The following PCBP3 variants were observed in gnomAD, a reference collection of about 807,000 sequenced individuals.
PCBP3 encodes poly(rC) binding protein 3, also known as poly(rC)-binding protein 3.
A neutral mutation model predicts 52.7 loss-of-function variants in PCBP3; 25 were observed. That is an observed-to-expected ratio of 0.47 (90% CI 0.35 to 0.66). PCBP3 has a LOEUF of 0.66. PCBP3 is among the 30% of genes least tolerant of loss of function. The pLI is 0.01. For missense variants in PCBP3, 391 were observed against 490.3 expected (o/e 0.80, Z 1.91); for synonymous variants, 162 against 183.0 (o/e 0.89, Z 0.93).
rs1253323558 is a variant in PCBP3 at position 45,935,236 on chromosome 21, C to T, written c.857-17C>T. The T allele has an allele frequency of 1.9e-6, 3 of 1,600,392 alleles. No individual in the cohort carries two copies. In the Admixed American group the frequency reaches 5.0e-5, roughly 27 times the overall value. On this transcript the variant is annotated splice_polypyrimidine_tract_variant and intron_variant, in intron 15 of 17. Transcript: ENST00000681687. ...CAGCCTTCCACCAGCCTAACCATGT[C>T]CCCTTGGTATACCCAGGTCTGGACG...
chr21:45,874,665 C>T (rs2095180091), intron 5 of PCBP3, among the ~76,000 whole-genome samples: 1 of 152,104 alleles, frequency 6.6e-6, no homozygotes, highest in African/African-American at 2.4e-5. Context: ...TGCCACCACG[C>T]CCGGCTACTT....
chr21:45,936,137 C>T (rs2149564209), intron 16 of PCBP3, among the ~76,000 whole-genome samples: 1 of 152,334 alleles, frequency 6.6e-6, no homozygotes. Context: ...AAGCCCTGTT[C>T]CTTCCTTTCA....
chr21:45,718,737 A>T (rs1485439101), intron 2 of PCBP3, among the ~76,000 whole-genome samples: 1 of 152,150 alleles, frequency 6.6e-6, no homozygotes. Flanking sequence ...CAGGGTTCTC[A>T]TTGCTTTTAT....
chr21:45,715,912 G>A (rs1404831841), intron 2 of PCBP3, among the ~76,000 whole-genome samples: 1 of 151,992 alleles, frequency 6.6e-6, no homozygotes, highest in Admixed American at 6.5e-5. Flanking sequence ...TTTTCCCCTT[G>A]TTCTGTGGGT....
intron 1 of PCBP3, among the ~76,000 whole-genome samples, chr21:45,664,594 T>G (rs925387366): frequency 3.4e-5 from 5 of 145,864 alleles, no homozygotes; most frequent in Admixed American, 6.9e-5. Flanking sequence ...AAAGAGCTTT[T>G]ATTTTTTTTA....
chr21:45,818,773 G>T (rs774494670), intron 4 of PCBP3, among the ~76,000 whole-genome samples: 1 of 152,204 alleles, frequency 6.6e-6, no homozygotes, highest in Non-Finnish European at 1.5e-5. Context: ...ACATCCTTTA[G>T]TAGGCAAATG....
At chr21:45,939,946 C>G in intron 16 of PCBP3, 84 bp from the exon 17 acceptor site, 4 of 1,307,198 alleles carry the variant, frequency 3.1e-6, no homozygotes, top group Non-Finnish European at 4.3e-6. Flanking sequence ...GCCCGTCCCA[C>G]CGGCCCCCTC....
intron 5 of PCBP3, among the ~76,000 whole-genome samples, chr21:45,863,952 C>T (rs903907742): frequency 2.0e-5 from 3 of 152,304 alleles, no homozygotes; most frequent in South Asian, 4.1e-4. Context: ...TAGGTTTAAG[C>T]CCGCTCAGAT....
intron 4 of PCBP3, among the ~76,000 whole-genome samples, chr21:45,792,425 T>TTATC (rs1252736406): frequency 6.6e-6 from 1 of 152,242 alleles, no homozygotes; most frequent in African/African-American, 2.4e-5. Context: ...AGAGGTTAGC[T>TTATC]TATCTATTGT....
chr21:45,679,493 C>T (rs962934717), intron 2 of PCBP3, among the ~76,000 whole-genome samples: 3 of 152,078 alleles, frequency 2.0e-5, no homozygotes, highest in Admixed American at 1.3e-4. Flanking sequence ...CAATAGACTA[C>T]AGTAGGGTGT....
chr21:45,825,838 A>G (rs2093292507), intron 4 of PCBP3, among the ~76,000 whole-genome samples: 1 of 152,166 alleles, frequency 6.6e-6, no homozygotes, highest in Non-Finnish European at 1.5e-5. Flanking sequence ...AATCTTTCAC[A>G]GGGAGGGATT....
intron 4 of PCBP3, among the ~76,000 whole-genome samples, chr21:45,769,475 C>T (rs972580748): frequency 1.3e-5 from 2 of 152,262 alleles, no homozygotes; most frequent in African/African-American, 4.8e-5. Flanking sequence ...ACCTGCGTCT[C>T]TGAAATGAAA....
intron 4 of PCBP3, among the ~76,000 whole-genome samples, chr21:45,798,256 C>T (rs577201914): frequency 0.039 from 1,566 of 40,652 alleles, 58 homozygotes; most frequent in African/African-American, 0.13. Flanking sequence ...TGCATGGATC[C>T]ATAGAGAGAG....
chr21:45,814,927 GGTGAGTA>G, intron 4 of PCBP3, among the ~76,000 whole-genome samples: 2 of 134,018 alleles, frequency 1.5e-5, no homozygotes, highest in South Asian at 2.7e-4. Context: ...ATGAGTGAGT[GGTGAGTA>G]GTGAGTGATG....
intron 4 of PCBP3, among the ~76,000 whole-genome samples, chr21:45,819,282 T>C (rs2093057594): frequency 6.6e-6 from 1 of 152,314 alleles, no homozygotes; most frequent in Admixed American, 6.5e-5. Context: ...GTGCTCAGTT[T>C]GCTGCTCTAA....
At chr21:45,836,340 G>GC (rs991390866) in intron 4 of PCBP3, 8 of 152,336 alleles carry the variant, frequency 5.3e-5, no homozygotes, top group African/African-American at 1.7e-4. Flanking sequence ...CAGCCCACCT[G>GC]CGCCAGGCCT....
At chr21:45,681,293 C>G (rs973249769) in intron 2 of PCBP3, among the ~76,000 whole-genome samples, 5 of 152,172 alleles carry the variant, frequency 3.3e-5, no homozygotes, top group Non-Finnish European at 7.3e-5. Context: ...AAATGCTTCA[C>G]TACATTGAGC....
At chr21:45,923,460 T>C (rs2074758868) in intron 13 of PCBP3, among the ~76,000 whole-genome samples, 1 of 152,204 alleles carries the variant, frequency 6.6e-6, no homozygotes, top group African/African-American at 2.4e-5. Context: ...CCATCTTTCC[T>C]TGCTTGGAAC....
At chr21:45,784,136 G>A (rs911023941) in intron 4 of PCBP3, among the ~76,000 whole-genome samples, 2 of 152,114 alleles carry the variant, frequency 1.3e-5, no homozygotes, top group African/African-American at 4.8e-5. Flanking sequence ...AGAAGATTCT[G>A]GCTAACACCT....
Sources: allele counts gnomAD v4.1 joint callset (sites outside exome capture counted in the v4.1 genomes callset), GRCh38; gene constraint gnomAD v4.1.1; transcripts MANE v1.5; gene names NCBI Gene and HGNC (gene_info 2026-07-23, HGNC 2026-07-21).